The following OR3A1 variants were observed in gnomAD, a reference collection of about 807,000 sequenced individuals.
OR3A1 encodes olfactory receptor family 3 subfamily A member 1, also known as olfactory receptor 3A1.
For missense variants in OR3A1, 402 were observed against 393.8 expected, an observed-to-expected ratio of 1.02 and a Z score of -0.18; for synonymous variants, 145 against 160.0, an observed-to-expected ratio of 0.91 and a Z score of 0.71.
Position 3,292,410 on chromosome 17 carries a change from A to T in OR3A1, c.173T>A (p.Leu58His), listed in dbSNP as rs201171625. 2 of 1,613,878 alleles carry T rather than the reference A, an allele frequency of 1.2e-6. No homozygotes were observed. The highest frequency in any genetic ancestry group is 1.6e-4 in the Middle Eastern group (1 of 6,062). The change falls in exon 2 of 2, where the codon CTC (leucine) becomes CAC (histidine). Residue 58 changes from leucine to histidine, a missense_variant. By Grantham distance (99) the Leu-to-His change is moderately conservative. Transcript: ENST00000323404. Reference sequence around the variant, plus strand: ...CAGGAAGAAGTACATGGGGGTGTGGAGTTTGGGCTCCACCAAGACAGCTGC... The same window carrying T: ...CAGGAAGAAGTACATGGGGGTGTGGTGTTTGGGCTCCACCAAGACAGCTGC... ...ILAAVLVEPKLHTPMYFFLGN... is the reference protein window; with the variant it reads ...ILAAVLVEPKHHTPMYFFLGN...
intron 1 of OR3A1, among the ~76,000 whole-genome samples, chr17:3,293,907 G>C (rs918744150): frequency 4.6e-5 from 7 of 152,166 alleles, no homozygotes; most frequent in Admixed American, 1.3e-4. Context: ...GCTGAACAAT[G>C]AGAATACATG....
At chr17:3,295,720 G>A (rs1184657454) in intron 1 of OR3A1, among the ~76,000 whole-genome samples, 1 of 151,880 alleles carries the variant, frequency 6.6e-6, no homozygotes, top group Non-Finnish European at 1.5e-5. Flanking sequence ...AATTAGAAAG[G>A]GTGAAAGGTA....
chr17:3,297,817 T>C (rs1396089735), intron 1 of OR3A1, among the ~76,000 whole-genome samples: 3 of 152,094 alleles, frequency 2.0e-5, no homozygotes, highest in Admixed American at 6.5e-5. Flanking sequence ...GATTGGGCTG[T>C]AGGAGTTGGG....
Position 3,292,134 on chromosome 17 carries a change from G to A in OR3A1, c.449C>T (p.Ala150Val), listed in dbSNP as rs746857847. The A allele has an allele frequency of 4.3e-6, 7 of 1,614,130 alleles. No homozygotes were observed. The South Asian group carries it at 4.4e-5, about 10-fold the overall frequency. The change falls in exon 2 of 2, where the codon GCG (alanine) becomes GTG (valine). Residue 150 changes from alanine to valine, a missense_variant. By Grantham distance (64) the Ala-to-Val change is moderately conservative (BLOSUM62 0). Coordinates refer to ENST00000323404, the MANE Select transcript of OR3A1 (RefSeq NM_002550.3). Reference protein sequence around the residue: ...SQTVQRMLVAASWACAFTNAL... With the variant: ...SQTVQRMLVAVSWACAFTNAL... ...GTTGGTGAAAGCACAAGCCCAGGAC[G>A]CAGCCACCAACATCCTCTGGACTGT...
chr17:3,291,691 G>A lies in OR3A1; in HGVS notation c.892C>T (p.Pro298Ser). ...LNPIIYSFRN[P>S]DVQSAIWRML... ...CTCCAGATGGCACTCTGCACATCAG[G>A]GTTTCTGAAGCTGTAGATGATTGGG... The change falls in exon 2 of 2, where the codon CCT becomes TCT. Residue 298 changes from proline (P) to serine (S), a missense_variant. By Grantham distance (74) the Pro-to-Ser change is moderately conservative (BLOSUM62 -1). Transcript: ENST00000323404. The A allele has an allele frequency of 6.2e-7, 1 of 1,611,272 alleles. No homozygotes were observed. Among genetic ancestry groups the A allele is most frequent in the South Asian group, 1.1e-5 (1 of 91,034 alleles).
rs2048879017 is a variant in OR3A1, at chr17:3,292,198, T to C, written c.385A>G (p.Ile129Val). 8 of 1,614,104 alleles carry C rather than the reference T, an allele frequency of 5.0e-6. No individual in the cohort carries two copies. The highest frequency in any genetic ancestry group is 6.8e-6 in the Non-Finnish European group (8 of 1,180,020). Residue 129 changes from isoleucine (I) to valine (V), a missense_variant, in exon 2 of 2, where the codon ATC (isoleucine) becomes GTC (valine). Transcript: ENST00000323404. The part of the protein sequence containing the change: ...TAMAYDRFLA[I>V]CRPLTYSTRM... Reference sequence around the variant, plus strand: ...GTGCTGTAGGTGAGGGGCCGGCAGATGGCCAGGAATCGGTCATAGGCCATG... The same window carrying C: ...GTGCTGTAGGTGAGGGGCCGGCAGACGGCCAGGAATCGGTCATAGGCCATG...
At chr17:3,293,126 A>G (rs947618180) in intron 1 of OR3A1, among the ~76,000 whole-genome samples, 2 of 150,886 alleles carry the variant, frequency 1.3e-5, no homozygotes, top group South Asian at 2.1e-4. Context: ...CCATGACTGT[A>G]TAAGAGTTAA....
Position 3,292,140 on chromosome 17 carries a change from A to G in OR3A1, c.443T>C (p.Val148Ala), listed in dbSNP as rs781208430. The G allele has an allele frequency of 6.8e-6, 11 of 1,614,168 alleles. No homozygotes were observed. The highest frequency in any genetic ancestry group is 1.7e-4 in the Middle Eastern group (1 of 6,060). The part of the protein sequence containing the change: ...RMSQTVQRML[V>A]AASWACAFTN... ...GAAAGCACAAGCCCAGGACGCAGCC[A>G]CCAACATCCTCTGGACTGTCTGACT... The change falls in exon 2 of 2, where the codon GTG becomes GCG. Residue 148 changes from valine to alanine, a missense_variant. Physicochemically the swap from Val to Ala is moderately conservative, Grantham distance 64. Transcript: ENST00000323404.
chr17:3,297,309 C>G (rs2048927114), intron 1 of OR3A1, among the ~76,000 whole-genome samples: 1 of 152,172 alleles, frequency 6.6e-6, no homozygotes, highest in South Asian at 2.1e-4. Flanking sequence ...GAACAATTCC[C>G]TTACATATTA....
chr17:3,291,690 G>C lies in OR3A1; in HGVS notation c.893C>G (p.Pro298Arg), dbSNP rs774954457. Reference protein sequence around the residue: ...LNPIIYSFRNPDVQSAIWRML... With the variant: ...LNPIIYSFRNRDVQSAIWRML... ...CCTCCAGATGGCACTCTGCACATCA[G>C]GGTTTCTGAAGCTGTAGATGATTGG... Residue 298 changes from proline to arginine, a missense_variant, in exon 2 of 2, where the codon CCT becomes CGT. Coordinates refer to ENST00000323404, the MANE Select transcript of OR3A1 (RefSeq NM_002550.3). 6.2e-7 allele frequency: 1 copy of C among 1,611,334 alleles called. No homozygotes were observed. Among genetic ancestry groups the C allele is most frequent in the Admixed American group, 1.7e-5 (1 of 60,000 alleles).
chr17:3,297,020 C>A (rs2048924352), intron 1 of OR3A1, among the ~76,000 whole-genome samples: 1 of 152,154 alleles, frequency 6.6e-6, no homozygotes, highest in South Asian at 2.1e-4. Flanking sequence ...CCTCTGGGCC[C>A]TGCAGAGATT....
chr17:3,292,139 C>T lies in OR3A1; in HGVS notation c.444G>A (p.Val148=), dbSNP rs754828602. 2.5e-6 allele frequency: 4 copies of T among 1,614,158 alleles called. No homozygotes were observed. Among genetic ancestry groups the T allele is most frequent in the South Asian group, 1.1e-5 (1 of 91,074 alleles). Residue 148 remains valine (V), a synonymous_variant, in exon 2 of 2, where the codon GTG becomes GTA. Transcript: ENST00000323404. ...RMSQTVQRML[V]AASWACAFTN... ...TGAAAGCACAAGCCCAGGACGCAGCCACCAACATCCTCTGGACTGTCTGAC... is the reference window on the plus strand; with the variant it reads ...TGAAAGCACAAGCCCAGGACGCAGCTACCAACATCCTCTGGACTGTCTGAC...
rs746433134 is a variant in OR3A1 at position 3,291,756 on chromosome 17, G to C, written c.827C>G (p.Ala276Gly). 1 of 1,613,842 alleles carries C rather than the reference G, an allele frequency of 6.2e-7. No individual in the cohort carries two copies. Among genetic ancestry groups the C allele is most frequent in the Non-Finnish European group, 8.5e-7 (1 of 1,179,744 alleles). Residue 276 changes from alanine to glycine, a missense_variant, in exon 2 of 2, where the codon GCT becomes GGT. By Grantham distance (60) the Ala-to-Gly change is moderately conservative. Coordinates refer to ENST00000323404, the MANE Select transcript of OR3A1 (RefSeq NM_002550.3). ...GSTKLSDKDKAVGIFNTVINP... is the reference protein window; with the variant it reads ...GSTKLSDKDKGVGIFNTVINP... ...GATGACAGTGTTGAAAATTCCAACAGCTTTATCCTTGTCTGAAAGCTTGGT... is the reference window on the plus strand; with the variant it reads ...GATGACAGTGTTGAAAATTCCAACACCTTTATCCTTGTCTGAAAGCTTGGT...
chr17:3,296,649 C>T (rs1368166490), intron 1 of OR3A1, among the ~76,000 whole-genome samples: 3 of 152,144 alleles, frequency 2.0e-5, no homozygotes, highest in East Asian at 3.8e-4. Flanking sequence ...TACAAAGTCA[C>T]TTTACCCCAA....
At chr17:3,298,133 C>T (rs1200821414) in intron 1 of OR3A1, 150 bp downstream of exon 1, 2 of 152,042 alleles carry the variant, frequency 1.3e-5, no homozygotes, top group Admixed American at 1.3e-4. Flanking sequence ...GAATGGTAGA[C>T]CCTATGAATA....
At chr17:3,295,755 G>A (rs766772403) in intron 1 of OR3A1, among the ~76,000 whole-genome samples, 13 of 151,920 alleles carry the variant, frequency 8.6e-5, no homozygotes, top group Middle Eastern at 3.2e-3. Context: ...AGATGTAAAC[G>A]AAAATAAAGC....
chr17:3,297,808 A>AT (rs1259278397), intron 1 of OR3A1, among the ~76,000 whole-genome samples: 1 of 152,284 alleles, frequency 6.6e-6, no homozygotes, highest in African/African-American at 2.4e-5. Context: ...GGAGCATCAG[A>AT]TTGGGCTGTA....
At chr17:3,297,051 T>G (rs2150624367) in intron 1 of OR3A1, among the ~76,000 whole-genome samples, 1 of 152,318 alleles carries the variant, frequency 6.6e-6, no homozygotes, top group Admixed American at 6.5e-5. Context: ...CACAGGTTCA[T>G]TTTATATCTG....
In OR3A1 at chr17:3,291,524, T is replaced by C; in HGVS notation, c.*111A>G. 1.3e-6 allele frequency: 1 copy of C among 777,434 alleles called. No individual in the cohort carries two copies. Among genetic ancestry groups the C allele is most frequent in the South Asian group, 2.0e-5 (1 of 50,720 alleles). The allele number at this position is 777,434 out of a possible 1,614,324, so 48.2% of individuals were successfully genotyped here. On this transcript the variant is annotated 3_prime_UTR_variant, in exon 2 of 2. Transcript: ENST00000323404. Reference sequence around the variant, plus strand: ...TATTATTCCCTACAAAAAGTCCTTCTTATGCCCATGAAACAGAAACAGGTG... The same window carrying C: ...TATTATTCCCTACAAAAAGTCCTTCCTATGCCCATGAAACAGAAACAGGTG...
Sources: gnomAD v4.1 joint callset for allele counts (sites outside exome capture counted in the v4.1 genomes callset) on GRCh38, gnomAD v4.1.1 for gene constraint, MANE v1.5 for transcripts, NCBI Gene and HGNC (gene_info 2026-07-23, HGNC 2026-07-21) for gene names.